The following SPTY2D1 variants were observed in gnomAD, a reference collection of about 807,000 sequenced individuals.
SPTY2D1 encodes the protein SPT2 chromatin protein domain containing 1, also known as protein SPT2 homolog.
In SPTY2D1, 21 loss-of-function variants were observed where a neutral mutation model predicts 64.0. The observed-to-expected ratio is 0.33, with a 90% CI of 0.23 to 0.47. SPTY2D1 has a LOEUF of 0.47. Ranked by LOEUF, SPTY2D1 falls within the 20% of genes least tolerant of loss-of-function variation. The probability of loss-of-function intolerance (pLI) is 1.00; values close to 1 mark genes in which losing one functional copy is unlikely to be tolerated. For synonymous variants in SPTY2D1, 287 were observed against 286.8 expected (o/e 1.00, Z -0.01); for missense variants, 724 against 837.2 (o/e 0.86, Z 1.67).
rs543701782 is a variant in SPTY2D1 at position 18,608,992 on chromosome 11, G to A, written c.*869C>T. Reference sequence around the variant, plus strand: ...AATATCTTTATGATGGGGGAGGGGAGGAGGGGAGAGCCTCACATGTTACTT... The same window carrying A: ...AATATCTTTATGATGGGGGAGGGGAAGAGGGGAGAGCCTCACATGTTACTT... On this transcript the variant is annotated 3_prime_UTR_variant, in exon 6 of 6. Coordinates refer to ENST00000336349, the MANE Select transcript of SPTY2D1 (RefSeq NM_194285.3). The A allele has an allele frequency of 2.0e-5, 3 of 151,102 alleles. No individual in the cohort carries two copies. In the South Asian group the frequency reaches 6.2e-4, roughly 31 times the overall value. 9.4% of individuals were successfully genotyped at this position (151,102 alleles called of 1,614,324 possible). A position where few individuals can be genotyped will look rare whatever the true frequency, so the allele number is the denominator to read the frequency against.
chr11:18,614,543 C>A lies in SPTY2D1; in HGVS notation c.1711+20G>T. On this transcript the variant is annotated intron_variant, in intron 3 of 5. Transcript: ENST00000336349. ...TCCTAATGACAAATATATACTCTTT[C>A]GGGTGAGGGGAAATTTTACCTTGGG... is the stretch of plus-strand genomic sequence containing the variant. 5.7e-6 allele frequency: 9 copies of A among 1,584,958 alleles called. No homozygotes were observed. Among genetic ancestry groups the A allele is most frequent in the Non-Finnish European group, 7.7e-6 (9 of 1,164,014 alleles).
In SPTY2D1 at chr11:18,612,938, AT is replaced by A. The variant is rs1201269367; in HGVS notation, c.1712-451del. ...TGCCACAACGCCTGGCTAATTTTGTATTTTTAGTAGAGATGGGGTTTCTCCA... is the reference window on the plus strand; with the variant it reads ...TGCCACAACGCCTGGCTAATTTTGTATTTTAGTAGAGATGGGGTTTCTCCA... On this transcript the variant is annotated intron_variant, in intron 3 of 5. Transcript: ENST00000336349. The surrounding 1 kb of genome is among the most constrained non-coding windows in gnomAD (Gnocchi z 4.6). Among the ~76,000 whole-genome samples the A allele has an allele frequency of 2.0e-5, 3 of 151,934 alleles. No homozygotes were observed. Among genetic ancestry groups the A allele is most frequent in the Non-Finnish European group, 4.4e-5 (3 of 67,966 alleles).
intron 3 of SPTY2D1, 75 bp downstream of exon 3, chr11:18,614,488 T>G: frequency 7.1e-7 from 1 of 1,411,042 alleles, no homozygotes; most frequent in South Asian, 1.3e-5. Context: ...GTTCAAAGGG[T>G]CCCTGATAAT....
At chr11:18,610,109 AT>A in intron 5 of SPTY2D1, 155 bp from the exon 6 acceptor site, 3 of 543,130 alleles carry the variant, frequency 5.5e-6, no homozygotes, top group Non-Finnish European at 9.4e-6. Flanking sequence ...TAGCAGGGAT[AT>A]TTTTTTACCA....
At chr11:18,632,596 G>A (rs1371004804) in intron 1 of SPTY2D1, among the ~76,000 whole-genome samples, 1 of 152,122 alleles carries the variant, frequency 6.6e-6, no homozygotes, top group Non-Finnish European at 1.5e-5. Context: ...TGATTCTCCC[G>A]CCTAGGCCTC....
chr11:18,622,531 A>G (rs1209196401), intron 1 of SPTY2D1, among the ~76,000 whole-genome samples: 1 of 151,926 alleles, frequency 6.6e-6, no homozygotes, highest in Non-Finnish European at 1.5e-5. Context: ...TGTCTCAAAA[A>G]TAAAATCTTT....
intron 1 of SPTY2D1, among the ~76,000 whole-genome samples, chr11:18,624,305 A>G (rs1436743257): frequency 6.6e-6 from 1 of 152,132 alleles, no homozygotes; most frequent in Non-Finnish European, 1.5e-5. Context: ...ACATGGTCAT[A>G]TTTAGCTCTA....
intron 1 of SPTY2D1, among the ~76,000 whole-genome samples, chr11:18,624,127 C>T (rs766605241): frequency 1.4e-5 from 2 of 147,630 alleles, no homozygotes; most frequent in Non-Finnish European, 3.0e-5. Flanking sequence ...ACCCTGGTAT[C>T]AAAAGATGTG....
At chr11:18,618,332 C>G (rs1854334621) in intron 1 of SPTY2D1, among the ~76,000 whole-genome samples, 1 of 152,002 alleles carries the variant, frequency 6.6e-6, no homozygotes, top group Admixed American at 6.6e-5. Context: ...CTATAACACC[C>G]AAAAAAAGCT....
chr11:18,608,659 G>A lies in SPTY2D1; in HGVS notation c.*1202C>T, dbSNP rs1307587301. 6.6e-6 allele frequency: 1 copy of A among 152,194 alleles called. No homozygotes were observed. The highest frequency in any genetic ancestry group is 1.5e-5 in the Non-Finnish European group (1 of 68,028). 9.4% of individuals were successfully genotyped at this position (152,194 alleles called of 1,614,324 possible). A position where few individuals can be genotyped will look rare whatever the true frequency, so the allele number is the denominator to read the frequency against. On this transcript the variant is annotated 3_prime_UTR_variant, in exon 6 of 6. Coordinates refer to ENST00000336349, the MANE Select transcript of SPTY2D1 (RefSeq NM_194285.3). Reference sequence around the variant, plus strand: ...AGCATGATCCTAAGTCAGCCTGATTGGAACTGCTTGGACTTGAAGGTTAAG... The same window carrying A: ...AGCATGATCCTAAGTCAGCCTGATTAGAACTGCTTGGACTTGAAGGTTAAG...
intron 1 of SPTY2D1, among the ~76,000 whole-genome samples, chr11:18,620,821 A>AG (rs1854383141): frequency 6.8e-6 from 1 of 147,696 alleles, no homozygotes. Context: ...TGGGAGGCGG[A>AG]GCTTGCAGTG....
rs752602446 is a variant in SPTY2D1 at position 18,615,786 on chromosome 11, G to A, written c.488C>T (p.Ala163Val). ...ESKPKVPLKS[A>V]PPPMNFTDLL... is the part of the protein sequence containing the mutation. ...ATCAGTGAAGTTCATGGGTGGTGGG[G>A]CACTTTTAAGGGGGACCTTTGGTTT... The change falls in exon 3 of 6, where the codon GCC becomes GTC. Residue 163 changes from alanine (A) to valine (V), a missense_variant. This residue lies in a region of SPTY2D1 where 179 missense variants were observed against 232.5 expected (regional missense o/e 0.77). Transcript: ENST00000336349. The A allele has an allele frequency of 4.3e-6, 7 of 1,614,078 alleles. No homozygotes were observed. The South Asian group carries it at 5.5e-5, about 13-fold the overall frequency.
intron 1 of SPTY2D1, among the ~76,000 whole-genome samples, chr11:18,625,467 T>G (rs963912854): frequency 6.6e-6 from 1 of 152,204 alleles, no homozygotes; most frequent in Non-Finnish European, 1.5e-5. Context: ...GTGTATTTAC[T>G]GGCAATCACA....
At chr11:18,629,933 G>A (rs1023156739) in intron 1 of SPTY2D1, among the ~76,000 whole-genome samples, 2 of 152,136 alleles carry the variant, frequency 1.3e-5, no homozygotes, top group African/African-American at 4.8e-5. Flanking sequence ...CACTTTGGGA[G>A]GTCAAGGTGG....
intron 3 of SPTY2D1, among the ~76,000 whole-genome samples, 196 bp downstream of exon 3, chr11:18,614,367 G>C (rs1194890994): frequency 6.6e-6 from 1 of 152,152 alleles, no homozygotes; most frequent in Non-Finnish European, 1.5e-5. Flanking sequence ...CTGGGCAACA[G>C]AGCAAGACCC....
chr11:18,621,893 C>G (rs775610147), intron 1 of SPTY2D1, among the ~76,000 whole-genome samples: 1 of 151,690 alleles, frequency 6.6e-6, no homozygotes, highest in Non-Finnish European at 1.5e-5. Flanking sequence ...TCGAGACCAG[C>G]GTGGGCAATA....
intron 1 of SPTY2D1, 124 bp from the exon 2 acceptor site, chr11:18,617,113 G>C: frequency 2.8e-6 from 2 of 720,430 alleles, no homozygotes; most frequent in South Asian, 1.9e-5. Flanking sequence ...CTGAATAATT[G>C]AGAGATCATA....
rs1163167027 is a variant in SPTY2D1, at chr11:18,608,038, A to G, written c.*1823T>C. On this transcript the variant is annotated 3_prime_UTR_variant, in exon 6 of 6. Transcript: ENST00000336349. ...ATTTTTGAAGGGGGAATAAAAGCACATAAATGGCAGCAGAGGAATTGATGT... is the reference window on the plus strand; with the variant it reads ...ATTTTTGAAGGGGGAATAAAAGCACGTAAATGGCAGCAGAGGAATTGATGT... 1 of 152,650 alleles carries G rather than the reference A, an allele frequency of 6.6e-6. No individual in the cohort carries two copies. Among genetic ancestry groups the G allele is most frequent in the African/African-American group, 2.4e-5 (1 of 41,466 alleles). The allele number at this position is 152,650 out of a possible 1,614,324, so 9.5% of individuals were successfully genotyped here. A position where few individuals can be genotyped will look rare whatever the true frequency, so the allele number is the denominator to read the frequency against.
intron 1 of SPTY2D1, among the ~76,000 whole-genome samples, chr11:18,631,182 TTTG>T (rs1443191931): frequency 1.3e-5 from 2 of 150,696 alleles, no homozygotes; most frequent in Non-Finnish European, 1.5e-5. Context: ...CAACTCTCTC[TTTG>T]TTTTTAATAA....
Sources: allele counts gnomAD v4.1 joint callset (sites outside exome capture counted in the v4.1 genomes callset), GRCh38; gene constraint gnomAD v4.1.1; regional missense constraint gnomAD v4.1.1; non-coding constraint Gnocchi (gnomAD v3.1); transcripts MANE v1.5; gene names NCBI Gene and HGNC (gene_info 2026-07-23, HGNC 2026-07-21).